DLG2: variants seen among roughly 807,000 people sequenced by gnomAD.
DLG2 encodes disks large homolog 2.
DLG2 carries 45 observed loss-of-function variants against 132.5 expected under a neutral mutation model. The observed-to-expected ratio is 0.34, with a 90% CI of 0.27 to 0.44. The LOEUF (loss-of-function observed/expected upper bound fraction) is 0.44, where lower values mean the gene tolerates loss of function less well. Ranked by LOEUF, DLG2 falls within the 20% of genes least tolerant of loss-of-function variation. The pLI is 1.00. For missense variants in DLG2, 1,045 were observed against 1,196.9 expected (o/e 0.87, Z 1.87); for synonymous variants, 424 against 419.6 (o/e 1.01, Z -0.13).
At chr11:84,827,700 C>CAAAAAAAAAAA (rs2078512578) in intron 6 of DLG2, among the ~76,000 whole-genome samples, 1 of 52,150 alleles carries the variant, frequency 1.9e-5, no homozygotes, top group African/African-American at 8.4e-5. Context: ...AAAAAAAAAG[C>CAAAAAAAAAAA]CCAGGTCAGA....
intron 6 of DLG2, among the ~76,000 whole-genome samples, chr11:84,975,008 A>T (rs779670796): frequency 6.6e-6 from 1 of 152,200 alleles, no homozygotes; most frequent in Non-Finnish European, 1.5e-5. Context: ...TTGTAACTCA[A>T]TAAGAGTCAG....
At chr11:83,845,110 C>G (rs907468759) in intron 16 of DLG2, among the ~76,000 whole-genome samples, 3 of 151,890 alleles carry the variant, frequency 2.0e-5, no homozygotes, top group Non-Finnish European at 4.4e-5. Context: ...ATAACGACAA[C>G]CCAAAAAGGG....
intron 3 of DLG2, among the ~76,000 whole-genome samples, chr11:85,503,533 T>G (rs188985537): frequency 4.2e-4 from 64 of 151,936 alleles, no homozygotes; most frequent in African/African-American, 1.5e-3. Flanking sequence ...AACAGTAGGG[T>G]TTTTAAAAGG....
chr11:85,224,531 G>A (rs2074859159), intron 4 of DLG2, among the ~76,000 whole-genome samples: 1 of 152,124 alleles, frequency 6.6e-6, no homozygotes, highest in African/African-American at 2.4e-5. Flanking sequence ...ACTTAGTGAA[G>A]AAGAGCTAAA....
At chr11:84,776,454 C>CCTGTGATGTTTGATTAACATTTCTACT (rs1334069528) in intron 6 of DLG2, among the ~76,000 whole-genome samples, 2 of 152,108 alleles carry the variant, frequency 1.3e-5, no homozygotes, top group Admixed American at 1.3e-4. Context: ...CTTTGCCTGG[C>CCTGTGATGTTTGATTAACATTTCTACT]CTGTGATGTT....
chr11:85,460,882 G>C (rs930244175), intron 3 of DLG2, among the ~76,000 whole-genome samples: 13 of 152,180 alleles, frequency 8.5e-5, no homozygotes, highest in African/African-American at 2.7e-4. Context: ...CGATGATGCT[G>C]TTGGTTAGGT....
chr11:83,509,508 T>G (rs2094899053), intron 21 of DLG2, among the ~76,000 whole-genome samples: 2 of 152,160 alleles, frequency 1.3e-5, no homozygotes, highest in South Asian at 4.1e-4. Flanking sequence ...AAATTCACAG[T>G]GCTTTTTTCC....
intron 6 of DLG2, among the ~76,000 whole-genome samples, chr11:85,086,088 T>C (rs977477286): frequency 1.3e-5 from 2 of 152,158 alleles, no homozygotes; most frequent in African/African-American, 4.8e-5. Flanking sequence ...TAATCAGCTA[T>C]TTTTTAAATC....
At chr11:85,304,965 T>G (rs1485100808) in intron 3 of DLG2, among the ~76,000 whole-genome samples, 1 of 152,238 alleles carries the variant, frequency 6.6e-6, no homozygotes. Flanking sequence ...GACAAGTATC[T>G]TTCCAGGTAC....
At chr11:83,494,676 G>A (rs1198547346) in intron 21 of DLG2, among the ~76,000 whole-genome samples, 1 of 151,712 alleles carries the variant, frequency 6.6e-6, no homozygotes, top group Non-Finnish European at 1.5e-5. Flanking sequence ...AGCCCTTAGT[G>A]ATGAGGTGAG....
intron 6 of DLG2, among the ~76,000 whole-genome samples, chr11:84,563,320 T>C (rs1355940279): frequency 6.6e-6 from 1 of 152,216 alleles, no homozygotes; most frequent in East Asian, 1.9e-4. Context: ...ACACTATGCA[T>C]AGTACTATTG....
chr11:85,386,417 G>C (rs924401737), intron 3 of DLG2, among the ~76,000 whole-genome samples: 3 of 152,122 alleles, frequency 2.0e-5, no homozygotes, highest in Non-Finnish European at 4.4e-5. Context: ...TACCTCCAGA[G>C]ACAACATTCC....
chr11:85,041,742 G>A (rs999061227), intron 6 of DLG2, among the ~76,000 whole-genome samples: 1 of 151,912 alleles, frequency 6.6e-6, no homozygotes, highest in Non-Finnish European at 1.5e-5. Context: ...ATGACATTTA[G>A]AGATAAACTG....
chr11:84,903,134 T>G (rs1159643225), intron 6 of DLG2, among the ~76,000 whole-genome samples: 1 of 152,104 alleles, frequency 6.6e-6, no homozygotes, highest in African/African-American at 2.4e-5. Context: ...ACTCCTCTAT[T>G]TCAAGACATA....
chr11:83,925,638 TGAC>T (rs1194350680), intron 15 of DLG2, among the ~76,000 whole-genome samples: 2 of 152,098 alleles, frequency 1.3e-5, no homozygotes, highest in African/African-American at 4.8e-5. Flanking sequence ...AGATGTTTTA[TGAC>T]GATATAGTGC....
chr11:85,022,325 T>C (rs2060149658), intron 6 of DLG2, among the ~76,000 whole-genome samples: 1 of 152,056 alleles, frequency 6.6e-6, no homozygotes, highest in African/African-American at 2.4e-5. Flanking sequence ...ACTTGGTTCT[T>C]AAAATAGAAA....
intron 6 of DLG2, among the ~76,000 whole-genome samples, chr11:84,642,914 A>C (rs1347110143): frequency 6.6e-6 from 1 of 152,230 alleles, no homozygotes; most frequent in African/African-American, 2.4e-5. Flanking sequence ...AAAAGAATCA[A>C]GAAAAATTAC....
chr11:85,208,280 G>A (rs1249184057), intron 4 of DLG2, among the ~76,000 whole-genome samples: 1 of 152,064 alleles, frequency 6.6e-6, no homozygotes, highest in Non-Finnish European at 1.5e-5. Flanking sequence ...CAAAATTAAT[G>A]ACAAAATGAC....
chr11:85,108,132 T>C (rs1381431918), intron 6 of DLG2, among the ~76,000 whole-genome samples: 7 of 151,842 alleles, frequency 4.6e-5, no homozygotes, highest in Admixed American at 2.0e-4. Flanking sequence ...AGAAATCAAA[T>C]GATAAAAGTT....
Sources: gnomAD v4.1 joint callset for allele counts (sites outside exome capture counted in the v4.1 genomes callset) on GRCh38, gnomAD v4.1.1 for gene constraint, MANE v1.5 for transcripts, NCBI Gene and HGNC (gene_info 2026-07-23, HGNC 2026-07-21) for gene names.